Variants in PTPRT observed in about 807,000 individuals in gnomAD.
PTPRT encodes protein tyrosine phosphatase receptor type T, also known as receptor-type tyrosine-protein phosphatase T.
In PTPRT, 56 loss-of-function variants were observed where a neutral mutation model predicts 176.8. The ratio of observed to expected loss-of-function variants is 0.32; its 90% CI spans 0.26 to 0.40. The LOEUF is 0.40. Ranked by LOEUF, PTPRT falls within the 10% of genes least tolerant of loss-of-function variation. The probability of loss-of-function intolerance (pLI) is 1.00; values close to 1 mark genes in which losing one functional copy is unlikely to be tolerated. For synonymous variants in PTPRT, 783 were observed against 739.0 expected (o/e 1.06, Z -0.96); for missense variants, 1,540 against 1,908.2 (o/e 0.81, Z 3.60).
chr20:42,815,742 G>A (rs534767904), intron 2 of PTPRT, among the ~76,000 whole-genome samples: 32 of 152,312 alleles, frequency 2.1e-4, no homozygotes, highest in African/African-American at 7.5e-4. Flanking sequence ...CAAGAGAGAG[G>A]CTGAGTTGAC....
In PTPRT at chr20:42,095,253, A is replaced by C. The variant is rs555517217; in HGVS notation, c.3846+3168T>G. On this transcript the variant is annotated intron_variant, in intron 27 of 30. Transcript: ENST00000373187. ...GCCAGAGGGATGCTTTTATTAAAAA[A>C]GGCAAATTATGTTGCTCCTCTGCTT... Among the ~76,000 whole-genome samples the C allele has an allele frequency of 1.2e-4, 18 of 152,356 alleles. No individual in the cohort carries two copies. In the East Asian group the frequency reaches 2.5e-3, roughly 21 times the overall value.
At chr20:42,115,393 T>C in intron 21 of PTPRT, 78 bp from the exon 22 acceptor site, 1 of 1,096,196 alleles carries the variant, frequency 9.1e-7, no homozygotes, top group Non-Finnish European at 1.4e-6. Context: ...TGTGAGCAGC[T>C]GTCTCATCTG....
chr20:43,180,341 A>ATCTCTCTCTCTCTCTCTCTCTCTC (rs71193679), intron 1 of PTPRT, among the ~76,000 whole-genome samples: 53 of 115,060 alleles, frequency 4.6e-4, no homozygotes, highest in African/African-American at 1.6e-3. Context: ...AAATGAATCA[A>ATCTCTCTCTCTCTCTCTCTCTCTC]TCTCTCTCTC....
intron 7 of PTPRT, among the ~76,000 whole-genome samples, chr20:42,474,796 C>G (rs2071260595): frequency 6.6e-6 from 1 of 152,146 alleles, no homozygotes; most frequent in African/African-American, 2.4e-5. Context: ...ATCAGCGTTG[C>G]CTAGCTGGGG....
chr20:42,253,941 C>T (rs73909245), intron 13 of PTPRT, among the ~76,000 whole-genome samples: 1,861 of 152,274 alleles, frequency 0.012, 34 homozygotes, highest in African/African-American at 0.042. Flanking sequence ...CTAGCTCCAG[C>T]CCAGAGTCTT....
At chr20:42,225,480 T>C (rs1165523078) in intron 15 of PTPRT, among the ~76,000 whole-genome samples, 1 of 152,148 alleles carries the variant, frequency 6.6e-6, no homozygotes, top group Non-Finnish European at 1.5e-5. Context: ...GATTCAAACT[T>C]TCTCCCTACC....
chr20:42,727,201 TC>T (rs1377565302), intron 6 of PTPRT, among the ~76,000 whole-genome samples: 2 of 151,872 alleles, frequency 1.3e-5, no homozygotes, highest in African/African-American at 2.4e-5. Flanking sequence ...TGGGCCTCCA[TC>T]CCCCCCGTTC....
intron 7 of PTPRT, among the ~76,000 whole-genome samples, chr20:42,648,881 TA>T (rs1490901229): frequency 4.8e-5 from 7 of 146,126 alleles, no homozygotes; most frequent in Non-Finnish European, 1.0e-4. Flanking sequence ...TGCAGTGGTG[TA>T]ATCTCAGCTC....
At chr20:42,487,509 A>T (rs1186396897) in intron 7 of PTPRT, among the ~76,000 whole-genome samples, 18 of 152,188 alleles carry the variant, frequency 1.2e-4, no homozygotes, top group Admixed American at 1.2e-3. Flanking sequence ...GTGATTAAGG[A>T]TCTTGAACTG....
the PTPRT span, among the ~76,000 whole-genome samples, chr20:42,061,103 G>A: frequency 2.0e-4 from 30 of 152,236 alleles, no homozygotes; most frequent in African/African-American, 7.2e-4. Context: ...CAAGATATGC[G>A]GTAGTGACAA....
At chr20:42,951,006 C>T (rs911943937) in intron 1 of PTPRT, among the ~76,000 whole-genome samples, 19 of 152,214 alleles carry the variant, frequency 1.2e-4, no homozygotes, top group African/African-American at 4.6e-4. Context: ...TCAAAGAGCA[C>T]TTTTATTTCT....
intron 15 of PTPRT, among the ~76,000 whole-genome samples, chr20:42,200,325 G>C (rs116661257): frequency 6.6e-6 from 1 of 152,284 alleles, no homozygotes; most frequent in Non-Finnish European, 1.5e-5. Context: ...AACCTTATAG[G>C]GTTGTGAGGA....
chr20:42,987,989 G>A (rs1251488435), intron 1 of PTPRT, among the ~76,000 whole-genome samples: 3 of 152,302 alleles, frequency 2.0e-5, no homozygotes, highest in East Asian at 3.9e-4. Context: ...GACAGGCCGA[G>A]ATGGAAGCTG....
At chr20:42,313,516 G>A (rs12479825) in intron 12 of PTPRT, among the ~76,000 whole-genome samples, 12,086 of 152,020 alleles carry the variant, frequency 0.08, 632 homozygotes, top group East Asian at 0.24. Flanking sequence ...TTGGTTTCCC[G>A]GGTTCTATAG....
At chr20:42,121,753 A>G (rs1987604991) in intron 19 of PTPRT, among the ~76,000 whole-genome samples, 1 of 150,002 alleles carries the variant, frequency 6.7e-6, no homozygotes, top group Admixed American at 6.7e-5. Context: ...ATGAAGAGAT[A>G]TATATATATA....
In PTPRT at chr20:42,709,824, C is replaced by T. The variant is rs149620315; in HGVS notation, c.860-31665G>A. Among the ~76,000 whole-genome samples the T allele has an allele frequency of 4.6e-5, 7 of 152,194 alleles. No homozygotes were observed. The East Asian group carries it at 5.8e-4, about 13-fold the overall frequency. On this transcript the variant is annotated intron_variant, in intron 6 of 30. Transcript: ENST00000373187. ...TGTGACCAAAATGCTGATAGAAATA[C>T]GGACAGTGAAGGCCAGGCTGATGAG... is the stretch of plus-strand genomic sequence containing the variant.
chr20:42,656,866 C>T (rs895151350), intron 7 of PTPRT, among the ~76,000 whole-genome samples: 14 of 152,162 alleles, frequency 9.2e-5, no homozygotes, highest in Admixed American at 4.6e-4. Context: ...TCATATGACA[C>T]TGGCTTTTGC....
chr20:42,041,692 C>T, the PTPRT span, among the ~76,000 whole-genome samples: 3 of 152,058 alleles, frequency 2.0e-5, no homozygotes, highest in African/African-American at 4.8e-5. Flanking sequence ...TCAATGTTCT[C>T]GTATAATGGG....
In PTPRT at chr20:42,179,364, T is replaced by G. The variant is rs1235255835; in HGVS notation, c.2492-17822A>C. On this transcript the variant is annotated intron_variant, in intron 16 of 30. Transcript: ENST00000373187. Reference sequence around the variant, plus strand: ...TTCCAAAGAGTTTTCCAAGATCTGATTTTTCAAGGAAAGTAAATGGTTTAA... The same window carrying G: ...TTCCAAAGAGTTTTCCAAGATCTGAGTTTTCAAGGAAAGTAAATGGTTTAA... 2.6e-5 allele frequency among the ~76,000 whole-genome samples: 4 copies of G among 152,208 alleles called. 1 individual carries two copies. The highest frequency in any genetic ancestry group is 5.9e-5 in the Non-Finnish European group (4 of 68,034).
Sources: allele counts gnomAD v4.1 joint callset (sites outside exome capture counted in the v4.1 genomes callset), GRCh38; gene constraint gnomAD v4.1.1; transcripts MANE v1.5; gene names NCBI Gene and HGNC (gene_info 2026-07-23, HGNC 2026-07-21).